Variants in HNMT observed in about 807,000 individuals in gnomAD.
The protein encoded by HNMT is histamine N-methyltransferase.
HNMT carries 30 observed loss-of-function variants against 32.1 expected under a neutral mutation model. That is an observed-to-expected ratio of 0.93 (90% CI 0.70 to 1.27). The LOEUF (loss-of-function observed/expected upper bound fraction) is 1.27. Among genes scored for constraint, HNMT ranks in the 50% most tolerant of loss-of-function variants. The probability of loss-of-function intolerance (pLI) is 0.00; values close to 1 mark genes in which losing one functional copy is unlikely to be tolerated. For synonymous variants in HNMT, 125 were observed against 119.0 expected, an observed-to-expected ratio of 1.05 and a Z score of -0.33; for missense variants, 327 against 346.0, an observed-to-expected ratio of 0.95 and a Z score of 0.43.
chr2:137,984,330 T>C (rs1421560182), intron 2 of HNMT, among the ~76,000 whole-genome samples: 1 of 152,230 alleles, frequency 6.6e-6, no homozygotes, highest in East Asian at 1.9e-4. Flanking sequence ...ATATTCTCAG[T>C]GGCCTGGATG....
intron 4 of HNMT, among the ~76,000 whole-genome samples, chr2:138,002,951 T>C (rs1681221887): frequency 6.6e-6 from 1 of 151,854 alleles, no homozygotes; most frequent in African/African-American, 2.4e-5. Context: ...ACAAACTGAC[T>C]CATACATGTT....
intron 2 of HNMT, among the ~76,000 whole-genome samples, chr2:137,982,710 G>T (rs141897530): frequency 2.0e-5 from 3 of 152,296 alleles, no homozygotes; most frequent in African/African-American, 7.2e-5. Context: ...GCAATGTATA[G>T]CCAGCTAGCT....
intron 3 of HNMT, among the ~76,000 whole-genome samples, chr2:138,001,754 C>T (rs1368693918): frequency 2.6e-5 from 4 of 152,074 alleles, no homozygotes; most frequent in Non-Finnish European, 4.4e-5. Context: ...ACAAACATAT[C>T]TGTTTCCAAT....
At chr2:137,997,966 G>A (rs932294989) in intron 2 of HNMT, among the ~76,000 whole-genome samples, 2 of 152,058 alleles carry the variant, frequency 1.3e-5, no homozygotes, top group Non-Finnish European at 2.9e-5. Context: ...GCAGTTGAAC[G>A]ATGAGAGCAC....
rs969391968 is a variant in HNMT at position 138,011,811 on chromosome 2, G to A, written c.524-1964G>A. Among the ~76,000 whole-genome samples, 4 of 152,006 alleles carry A rather than the reference G, an allele frequency of 2.6e-5. No individual in the cohort carries two copies. The South Asian group carries it at 8.3e-4, about 32-fold the overall frequency. ...TTAACTATTGTGTCATGGTTCTAAG[G>A]GTCTTTACTTTATTAACTCAGTGAA... On this transcript the variant is annotated intron_variant, in intron 5 of 5. Coordinates refer to ENST00000280097, the MANE Select transcript of HNMT (RefSeq NM_006895.3).
intron 2 of HNMT, among the ~76,000 whole-genome samples, chr2:137,978,879 TAATA>T (rs1475069109): frequency 9.8e-5 from 13 of 132,502 alleles, no homozygotes; most frequent in Non-Finnish European, 1.5e-4. Context: ...TAGTCTTATA[TAATA>T]AATAGTATAA....
intron 2 of HNMT, chr2:137,981,491 C>A: frequency 1.1e-6 from 1 of 898,030 alleles, no homozygotes; most frequent in Non-Finnish European, 1.8e-6. Context: ...TTCTTTGTTG[C>A]TTTGGTTTTC....
intron 2 of HNMT, among the ~76,000 whole-genome samples, chr2:137,991,657 G>T (rs565156146): frequency 6.6e-6 from 1 of 151,968 alleles, no homozygotes; most frequent in South Asian, 2.1e-4. Context: ...CACATATATC[G>T]ATCTATGCAT....
intron 2 of HNMT, among the ~76,000 whole-genome samples, chr2:137,976,547 G>A (rs368518460): frequency 1.3e-5 from 2 of 152,136 alleles, no homozygotes; most frequent in Non-Finnish European, 2.9e-5. Context: ...TTGAGGAAGC[G>A]GTATTCTAAT....
intron 4 of HNMT, 89 bp downstream of exon 4, chr2:138,002,283 G>A: frequency 3.5e-6 from 4 of 1,130,682 alleles, no homozygotes; most frequent in Non-Finnish European, 4.6e-6. Flanking sequence ...ATTTTTAAAA[G>A]GTAAATGAAA....
intron 2 of HNMT, among the ~76,000 whole-genome samples, chr2:137,984,377 C>A (rs888350243): frequency 3.9e-5 from 6 of 152,214 alleles, no homozygotes; most frequent in African/African-American, 1.2e-4. Flanking sequence ...CATCACTTAG[C>A]ATTCTTTAGC....
intron 5 of HNMT, among the ~76,000 whole-genome samples, chr2:138,010,435 A>ACACG (rs1558749163): frequency 4.6e-5 from 4 of 87,280 alleles, no homozygotes; most frequent in African/African-American, 1.8e-4. Context: ...AATAAAAAAG[A>ACACG]CACACGCACA....
chr2:137,964,734 C>T, intron 1 of HNMT, 106 bp downstream of exon 1: 2 of 1,096,366 alleles, frequency 1.8e-6, no homozygotes, highest in Non-Finnish European at 2.7e-6. Context: ...GGGATAAGGG[C>T]GAATTACTGA....
chr2:137,966,923 G>C (rs1295832757), intron 1 of HNMT, among the ~76,000 whole-genome samples: 1 of 151,938 alleles, frequency 6.6e-6, no homozygotes, highest in Non-Finnish European at 1.5e-5. Flanking sequence ...TCGGTCCTTT[G>C]TTTCCTGAAC....
chr2:137,977,475 G>A (rs773507675), intron 2 of HNMT, among the ~76,000 whole-genome samples: 2 of 152,066 alleles, frequency 1.3e-5, no homozygotes, highest in Non-Finnish European at 2.9e-5. Flanking sequence ...GATTGGGGGG[G>A]TTGCAGGGAT....
intron 2 of HNMT, among the ~76,000 whole-genome samples, chr2:137,996,460 A>G (rs1014835303): frequency 6.6e-6 from 1 of 152,200 alleles, no homozygotes; most frequent in Admixed American, 6.5e-5. Context: ...AATACAGCTA[A>G]CAAGGGATGC....
chr2:138,012,856 C>T (rs1421921636), intron 5 of HNMT, among the ~76,000 whole-genome samples: 1 of 152,050 alleles, frequency 6.6e-6, no homozygotes, highest in Non-Finnish European at 1.5e-5. Context: ...AAACTCCCAC[C>T]ACTTCTCTTC....
intron 4 of HNMT, among the ~76,000 whole-genome samples, chr2:138,004,033 C>T (rs993208763): frequency 1.3e-5 from 2 of 152,074 alleles, no homozygotes; most frequent in African/African-American, 2.4e-5. Context: ...TGCAGCGTCT[C>T]TGCCTCTCTA....
rs369166098 is a variant in HNMT, at chr2:138,007,484, C to T, written c.523+2259C>T. Among the ~76,000 whole-genome samples the T allele has an allele frequency of 5.3e-5, 8 of 152,056 alleles. No individual in the cohort carries two copies. In the East Asian group the frequency reaches 9.7e-4, roughly 18 times the overall value. On this transcript the variant is annotated intron_variant, in intron 5 of 5. Transcript: ENST00000280097. ...TGGAATGTCCCCAGATTCTCCAATC[C>T]TATCGGCATGTCATACTTAACTCTT...
Sources: allele counts gnomAD v4.1 joint callset (sites outside exome capture counted in the v4.1 genomes callset), GRCh38; gene constraint gnomAD v4.1.1; transcripts MANE v1.5; gene names NCBI Gene and HGNC (gene_info 2026-07-23, HGNC 2026-07-21).